Variants in FGF14 observed in about 807,000 individuals in gnomAD.
FGF14 encodes fibroblast growth factor homologous factor 4.
A neutral mutation model predicts 25.5 loss-of-function variants in FGF14; 5 were observed. The ratio of observed to expected loss-of-function variants is 0.20; its 90% CI spans 0.10 to 0.41. FGF14 has a LOEUF of 0.41. Among genes scored for constraint, FGF14 ranks in the 10% least tolerant of loss-of-function variants. The pLI is 1.00. For missense variants in FGF14, 222 were observed against 320.1 expected (o/e 0.69, Z 2.34); for synonymous variants, 138 against 118.3 (o/e 1.17, Z -1.08).
chr13:102,322,118 G>T (rs1019638376), intron 1 of FGF14, among the ~76,000 whole-genome samples: 1 of 152,154 alleles, frequency 6.6e-6, no homozygotes, highest in African/African-American at 2.4e-5. Flanking sequence ...CTGGAGATTT[G>T]CCTTCTAGGA....
At chr13:102,157,606 T>A (rs2140542504) in intron 1 of FGF14, among the ~76,000 whole-genome samples, 2 of 152,284 alleles carry the variant, frequency 1.3e-5, no homozygotes, top group African/African-American at 4.8e-5. Context: ...GGGCAAGGAC[T>A]TCATGTCTAA....
intron 1 of FGF14, among the ~76,000 whole-genome samples, chr13:102,016,083 C>T (rs1230350451): frequency 6.6e-6 from 1 of 152,050 alleles, no homozygotes; most frequent in Non-Finnish European, 1.5e-5. Context: ...TCATGAATAA[C>T]AACTTGCATT....
rs995566673 is a variant in FGF14 at position 102,014,238 on chromosome 13, T to TA, written c.209-138943dup. Among the ~76,000 whole-genome samples the TA allele has an allele frequency of 3.0e-4, 45 of 150,518 alleles. No individual in the cohort carries two copies. In the East Asian group the frequency reaches 3.5e-3, roughly 12 times the overall value. On this transcript the variant is annotated intron_variant, in intron 1 of 4. Transcript: ENST00000376131. ...ACTTAAAGTATAATAATAATAAAAT[T>TA]AAAAAAAAAGACTTCTAAACATTTT...
chr13:101,881,044 T>C (rs1026549430), intron 1 of FGF14, among the ~76,000 whole-genome samples: 7 of 152,164 alleles, frequency 4.6e-5, no homozygotes, highest in Non-Finnish European at 8.8e-5. Context: ...AGAATGACTA[T>C]GGGCAAAGAC....
At position 101,948,807 on chromosome 13, in the gene FGF14, G is replaced by A. The variant is rs150616434; in HGVS notation, c.209-73511C>T. ...TTTAAAATAAATACAATCATCAAAC[G>A]TTTTTAGAATAGGGGAAATGCTAGC... On this transcript the variant is annotated intron_variant, in intron 1 of 4. Coordinates refer to the FGF14 transcript ENST00000376131. 7.9e-3 allele frequency among the ~76,000 whole-genome samples: 1,203 copies of A among 152,134 alleles called. 8 individuals are homozygous for A. The highest frequency in any genetic ancestry group is 0.023 in the African/African-American group (954 of 41,516).
chr13:101,773,960 C>T (rs1220629931), intron 3 of FGF14, among the ~76,000 whole-genome samples: 1 of 150,982 alleles, frequency 6.6e-6, no homozygotes, highest in Non-Finnish European at 1.5e-5. Flanking sequence ...GTAGACACTC[C>T]ATTAGTACTT....
At chr13:101,939,207 T>C (rs2035289997) in intron 1 of FGF14, among the ~76,000 whole-genome samples, 1 of 152,218 alleles carries the variant, frequency 6.6e-6, no homozygotes, top group Non-Finnish European at 1.5e-5. Context: ...TACTTTCTCA[T>C]TCCAGAGAAA....
At chr13:102,238,201 A>T (rs2051418047) in intron 1 of FGF14, among the ~76,000 whole-genome samples, 1 of 152,236 alleles carries the variant, frequency 6.6e-6, no homozygotes, top group Non-Finnish European at 1.5e-5. Context: ...AAAGGATTTA[A>T]CAAGAATATA....
intron 1 of FGF14, among the ~76,000 whole-genome samples, chr13:102,161,653 A>AT (rs1431542606): frequency 0.052 from 1,241 of 23,880 alleles, 124 homozygotes; most frequent in East Asian, 0.15. Flanking sequence ...GAAGAAGAAG[A>AT]AGAAGAAGAA....
chr13:102,204,714 T>G (rs942652779), intron 1 of FGF14, among the ~76,000 whole-genome samples: 1 of 151,976 alleles, frequency 6.6e-6, no homozygotes, highest in Non-Finnish European at 1.5e-5. Context: ...GCCTGGCTAA[T>G]TTTTATATTA....
intron 1 of FGF14, among the ~76,000 whole-genome samples, chr13:102,082,905 C>A (rs2043703177): frequency 6.6e-6 from 1 of 151,918 alleles, no homozygotes; most frequent in African/African-American, 2.4e-5. Flanking sequence ...TTGCAGTGAG[C>A]CGAGATCCCG....
chr13:101,959,132 A>G (rs78148086), intron 1 of FGF14, among the ~76,000 whole-genome samples: 1 of 152,102 alleles, frequency 6.6e-6, no homozygotes, highest in Non-Finnish European at 1.5e-5. Context: ...GGAGTGCACA[A>G]CCTAGATCCC....
intron 1 of FGF14, among the ~76,000 whole-genome samples, chr13:102,200,986 C>T (rs1306938045): frequency 6.6e-6 from 1 of 151,718 alleles, no homozygotes; most frequent in Non-Finnish European, 1.5e-5. Context: ...CCTGTAGTCC[C>T]AGCTACTGGG....
intron 1 of FGF14, among the ~76,000 whole-genome samples, chr13:102,398,216 A>G (rs960429651): frequency 1.3e-5 from 2 of 152,216 alleles, no homozygotes; most frequent in Non-Finnish European, 1.5e-5. Flanking sequence ...AGCCCAAAAC[A>G]CTATTTAATG....
At chr13:101,860,877 T>C (rs1160306331) in intron 3 of FGF14, among the ~76,000 whole-genome samples, 3 of 152,128 alleles carry the variant, frequency 2.0e-5, no homozygotes, top group Non-Finnish European at 2.9e-5. Flanking sequence ...TGTGAACCAC[T>C]ATGAGAGGAT....
At chr13:102,178,875 C>T (rs1296254619) in intron 1 of FGF14, among the ~76,000 whole-genome samples, 1 of 152,028 alleles carries the variant, frequency 6.6e-6, no homozygotes, top group Non-Finnish European at 1.5e-5. Flanking sequence ...ACTTTAAACT[C>T]AAATGCAAAT....
chr13:102,115,303 A>T (rs1209817519), intron 1 of FGF14, among the ~76,000 whole-genome samples: 2 of 152,186 alleles, frequency 1.3e-5, no homozygotes, highest in Admixed American at 1.3e-4. Context: ...TGCTTACAAC[A>T]GGAAGGCTTT....
At chr13:102,359,172 G>C (rs1248605336) in intron 1 of FGF14, among the ~76,000 whole-genome samples, 2 of 152,074 alleles carry the variant, frequency 1.3e-5, no homozygotes, top group African/African-American at 4.8e-5. Context: ...CTGTCAGTGG[G>C]GGTGGGGGGA....
intron 1 of FGF14, among the ~76,000 whole-genome samples, chr13:102,399,202 T>G (rs2058646971): frequency 6.6e-6 from 1 of 151,926 alleles, no homozygotes; most frequent in African/African-American, 2.4e-5. Flanking sequence ...TAGGGAGAAA[T>G]TTAGTGTTTC....
Sources: allele counts gnomAD v4.1 joint callset (sites outside exome capture counted in the v4.1 genomes callset), GRCh38; gene constraint gnomAD v4.1.1; transcripts MANE v1.5; gene names NCBI Gene and HGNC (gene_info 2026-07-23, HGNC 2026-07-21).